The following KCTD16 variants were observed in gnomAD, a reference collection of about 807,000 sequenced individuals.
The protein encoded by KCTD16 is potassium channel tetramerization domain containing 16, also known as BTB/POZ domain-containing protein KCTD16.
Under a neutral mutation model 33.2 loss-of-function variants are expected in KCTD16, and 13 were observed. The ratio of observed to expected loss-of-function variants is 0.39; its 90% CI spans 0.25 to 0.62. The LOEUF is 0.62. Ranked by LOEUF, KCTD16 falls within the 20% of genes least tolerant of loss-of-function variation. The probability of loss-of-function intolerance (pLI) is 0.50; values close to 1 mark genes in which losing one functional copy is unlikely to be tolerated. For synonymous variants in KCTD16, 197 were observed against 195.3 expected (o/e 1.01, Z -0.07); for missense variants, 441 against 525.1 (o/e 0.84, Z 1.57).
chr5:144,441,665 A>G (rs1753710953), intron 3 of KCTD16, among the ~76,000 whole-genome samples: 1 of 151,862 alleles, frequency 6.6e-6, no homozygotes, highest in Non-Finnish European at 1.5e-5. Context: ...TCTCAGTCGT[A>G]TTGTATTTAT....
intron 3 of KCTD16, among the ~76,000 whole-genome samples, chr5:144,338,558 T>G (rs1752547893): frequency 6.6e-6 from 1 of 152,220 alleles, no homozygotes; most frequent in Admixed American, 6.5e-5. Flanking sequence ...AAGTGGAATT[T>G]CTTTTACTGC....
intron 3 of KCTD16, among the ~76,000 whole-genome samples, chr5:144,354,213 T>A (rs190244232): frequency 2.6e-5 from 4 of 152,236 alleles, no homozygotes; most frequent in East Asian, 3.9e-4. Flanking sequence ...TAGACTTTTG[T>A]TCAATTCAAT....
rs575237184 is a variant in KCTD16, at chr5:144,221,798, C to T, written c.832+14252C>T. ...TATATACCCAGTAATGGGATTGCTG[C>T]GTCAAATGGTATTTCTGGTTCTTGA... On this transcript the variant is annotated intron_variant, in intron 3 of 3. Transcript: ENST00000512467. Among the ~76,000 whole-genome samples the T allele has an allele frequency of 7.2e-5, 11 of 152,130 alleles. No homozygotes were observed. In the East Asian group the frequency reaches 7.7e-4, roughly 11 times the overall value.
intron 2 of KCTD16, among the ~76,000 whole-genome samples, chr5:144,191,618 T>C (rs142915667): frequency 1.9e-4 from 29 of 152,294 alleles, no homozygotes; most frequent in African/African-American, 7.0e-4. Flanking sequence ...TGAAGACAGC[T>C]GGCTGAGTTA....
chr5:144,418,210 A>G (rs906024748), intron 3 of KCTD16, among the ~76,000 whole-genome samples: 1 of 152,148 alleles, frequency 6.6e-6, no homozygotes, highest in Non-Finnish European at 1.5e-5. Context: ...CCAAAGCATG[A>G]GCAGCAGCAA....
At chr5:144,229,595 A>G (rs1754037528) in intron 3 of KCTD16, among the ~76,000 whole-genome samples, 1 of 152,198 alleles carries the variant, frequency 6.6e-6, no homozygotes, top group South Asian at 2.1e-4. Context: ...CATTTTAGAG[A>G]GAAAAGCTGA....
intron 3 of KCTD16, among the ~76,000 whole-genome samples, chr5:144,281,391 T>C (rs1755605772): frequency 6.6e-6 from 1 of 152,234 alleles, no homozygotes; most frequent in South Asian, 2.1e-4. Flanking sequence ...ATATGTTATC[T>C]GTTCATTTTC....
chr5:144,241,907 T>C (rs1295089233), intron 3 of KCTD16, among the ~76,000 whole-genome samples: 1 of 152,136 alleles, frequency 6.6e-6, no homozygotes, highest in Non-Finnish European at 1.5e-5. Context: ...ATTTAACTGG[T>C]GCCACATCTA....
At chr5:144,292,435 C>A (rs1755920075) in intron 3 of KCTD16, among the ~76,000 whole-genome samples, 1 of 152,034 alleles carries the variant, frequency 6.6e-6, no homozygotes, top group African/African-American at 2.4e-5. Context: ...GATGAGGAGG[C>A]CAGGTCAAAG....
chr5:144,472,164 C>T (rs1214649655), intron 3 of KCTD16, among the ~76,000 whole-genome samples: 1 of 152,208 alleles, frequency 6.6e-6, no homozygotes, highest in East Asian at 1.9e-4. Flanking sequence ...TCCTTTAAAA[C>T]TGTATAAAGG....
At chr5:144,217,520 G>T (rs952686575) in intron 3 of KCTD16, among the ~76,000 whole-genome samples, 1 of 152,136 alleles carries the variant, frequency 6.6e-6, no homozygotes, top group African/African-American at 2.4e-5. Context: ...ATAATATAAT[G>T]TGTGATATTT....
chr5:144,176,235 TCCTCTCTTC>T (rs1752503485), intron 2 of KCTD16, among the ~76,000 whole-genome samples: 1 of 152,084 alleles, frequency 6.6e-6, no homozygotes, highest in African/African-American at 2.4e-5. Flanking sequence ...TCCCTTTCTC[TCCTCTCTTC>T]CCCTAAAACA....
At chr5:144,356,107 T>TG (rs1751564874) in intron 3 of KCTD16, among the ~76,000 whole-genome samples, 1 of 152,202 alleles carries the variant, frequency 6.6e-6, no homozygotes, top group African/African-American at 2.4e-5. Flanking sequence ...GCCAGGGCCA[T>TG]GTTTTGTTCT....
intron 3 of KCTD16, among the ~76,000 whole-genome samples, chr5:144,403,200 A>C (rs576441272): frequency 6.6e-6 from 1 of 152,310 alleles, no homozygotes; most frequent in South Asian, 2.1e-4. Flanking sequence ...TTTTAACCAC[A>C]TGTTGTTGAT....
chr5:144,353,183 C>T (rs1390808433), intron 3 of KCTD16, among the ~76,000 whole-genome samples: 1 of 152,176 alleles, frequency 6.6e-6, no homozygotes, highest in Non-Finnish European at 1.5e-5. Flanking sequence ...GGAAGTAGGG[C>T]CTCATGAGCA....
intron 3 of KCTD16, among the ~76,000 whole-genome samples, chr5:144,324,201 G>C (rs1223825017): frequency 6.6e-6 from 1 of 152,036 alleles, no homozygotes; most frequent in Non-Finnish European, 1.5e-5. Flanking sequence ...TAACTAAATA[G>C]TACCCCAGAC....
intron 2 of KCTD16, among the ~76,000 whole-genome samples, chr5:144,187,974 A>T (rs73792187): frequency 9.5e-4 from 145 of 152,340 alleles, no homozygotes; most frequent in Middle Eastern, 3.4e-3. Flanking sequence ...TGGTTAATCT[A>T]GTAGACAGCA....
At chr5:144,243,727 T>G (rs1331782896) in intron 3 of KCTD16, among the ~76,000 whole-genome samples, 1 of 152,076 alleles carries the variant, frequency 6.6e-6, no homozygotes, top group African/African-American at 2.4e-5. Context: ...TCTGTCCCCA[T>G]GAATACTCTT....
chr5:144,217,929 G>A (rs1202957858), intron 3 of KCTD16, among the ~76,000 whole-genome samples: 6 of 151,952 alleles, frequency 3.9e-5, no homozygotes, highest in Non-Finnish European at 7.4e-5. Context: ...TTCTTTAATA[G>A]GCAGATTTAG....
Sources: gnomAD v4.1 joint callset for allele counts (sites outside exome capture counted in the v4.1 genomes callset) on GRCh38, gnomAD v4.1.1 for gene constraint, MANE v1.5 for transcripts, NCBI Gene and HGNC (gene_info 2026-07-23, HGNC 2026-07-21) for gene names.